Variants in PLEKHG1 observed in about 807,000 individuals in gnomAD.
PLEKHG1 encodes pleckstrin homology domain-containing family G member 1.
In PLEKHG1, 44 loss-of-function variants were observed where a neutral mutation model predicts 100.8. The ratio of observed to expected loss-of-function variants is 0.44; its 90% CI spans 0.34 to 0.56. PLEKHG1 has a LOEUF of 0.56. Among genes scored for constraint, PLEKHG1 ranks in the 20% least tolerant of loss-of-function variants. PLEKHG1 has a pLI of 0.01. For synonymous variants in PLEKHG1, 640 were observed against 662.5 expected (o/e 0.97, Z 0.52); for missense variants, 1,545 against 1,720.9 (o/e 0.90, Z 1.81).
intron 3 of PLEKHG1, among the ~76,000 whole-genome samples, chr6:150,652,286 A>G (rs1054451790): frequency 7.2e-5 from 11 of 152,340 alleles, no homozygotes; most frequent in African/African-American, 2.2e-4. Context: ...CTCTGACCAC[A>G]TTATGAACTA....
At chr6:150,834,369 CACTG>C (rs1428321498) in intron 15 of PLEKHG1, among the ~76,000 whole-genome samples, 23 of 152,240 alleles carry the variant, frequency 1.5e-4, no homozygotes, top group East Asian at 1.9e-4. Flanking sequence ...CAATTGCAAG[CACTG>C]ACTAAGTCTG....
intron 15 of PLEKHG1, among the ~76,000 whole-genome samples, chr6:150,834,934 T>G (rs748433030): frequency 5.9e-5 from 9 of 152,170 alleles, no homozygotes. Flanking sequence ...TTCCGTCAGT[T>G]GACATGATGA....
intron 3 of PLEKHG1, among the ~76,000 whole-genome samples, chr6:150,707,782 T>C (rs1781083568): frequency 6.6e-6 from 1 of 152,128 alleles, no homozygotes; most frequent in African/African-American, 2.4e-5. Context: ...CTAATCAGCC[T>C]CAGCTCCGTC....
intron 1 of PLEKHG1, among the ~76,000 whole-genome samples, chr6:150,731,923 G>A (rs1470837526): frequency 6.6e-6 from 1 of 150,960 alleles, no homozygotes; most frequent in Non-Finnish European, 1.5e-5. Flanking sequence ...GTCCTTTTGG[G>A]GCCCAACATC....
chr6:150,674,632 CCTCTCTCTCTCTCTCTCTCT>C (rs756355880), intron 3 of PLEKHG1, among the ~76,000 whole-genome samples: 4 of 66,340 alleles, frequency 6.0e-5, no homozygotes, highest in African/African-American at 1.4e-4. Flanking sequence ...CTCTCTCCTC[CCTCTCTCTCTCTCTCTCTCT>C]CTCTCTCTCT....
chr6:150,756,174 C>A lies in PLEKHG1; in HGVS notation c.412-12464C>A, dbSNP rs538550880. On this transcript the variant is annotated intron_variant, in intron 2 of 15. Transcript: ENST00000358517. ...CAGAAGGACATCTTCGTGTTTACCC[C>A]CTGGCCCCATGCTCTTTGAGAAAGT... Among the ~76,000 whole-genome samples, 7 of 152,292 alleles carry A rather than the reference C, an allele frequency of 4.6e-5. No homozygotes were observed. In the East Asian group the frequency reaches 1.4e-3, roughly 29 times the overall value.
In PLEKHG1 at chr6:150,600,865, T is replaced by G. The variant is rs1307597815; in HGVS notation, c.-204+848T>G. The stretch of plus-strand genomic sequence containing the variant: ...ATGAGCTGGATCCTTGACTTGAATG[T>G]GCTGGCGGAGCGGGGTTTGTAAGCC... On this transcript the variant is annotated intron_variant, in intron 1 of 3. Transcript: ENST00000367326. The surrounding 1 kb of genome is among the most constrained non-coding windows in gnomAD (Gnocchi z 6.2). 6.6e-6 allele frequency: 1 copy of G among 152,244 alleles called. No individual in the cohort carries two copies. Among genetic ancestry groups the G allele is most frequent in the Non-Finnish European group, 1.5e-5 (1 of 68,046 alleles). The allele number at this position is 152,244 out of a possible 1,614,324, so 9.4% of individuals were successfully genotyped here.
intron 10 of PLEKHG1, among the ~76,000 whole-genome samples, 169 bp downstream of exon 11, chr6:150,809,903 A>AAAC (rs1787388499): frequency 6.6e-6 from 1 of 151,696 alleles, no homozygotes; most frequent in Non-Finnish European, 1.5e-5. Flanking sequence ...AAAAAAAAAA[A>AAAC]AAGAGTTTAG....
chr6:150,616,915 G>T (rs1009986058), intron 1 of PLEKHG1, among the ~76,000 whole-genome samples: 1 of 148,844 alleles, frequency 6.7e-6, no homozygotes, highest in African/African-American at 2.5e-5. Flanking sequence ...AAAATCACTG[G>T]TAAATGTTGA....
upstream of PLEKHG1, among the ~76,000 whole-genome samples, chr6:150,716,292 T>C (rs968302409): frequency 1.3e-5 from 2 of 152,178 alleles, no homozygotes; most frequent in African/African-American, 2.4e-5. Context: ...ACAAGATAAG[T>C]AGGCCACACC....
At chr6:150,769,833 T>C (rs1261469090) in intron 3 of PLEKHG1, among the ~76,000 whole-genome samples, 1 of 152,128 alleles carries the variant, frequency 6.6e-6, no homozygotes, top group Non-Finnish European at 1.5e-5. Flanking sequence ...CCACTTTTCC[T>C]TTTTCTCATG....
intron 1 of PLEKHG1, among the ~76,000 whole-genome samples, chr6:150,728,331 C>T (rs1327983028): frequency 6.6e-6 from 1 of 150,914 alleles, no homozygotes; most frequent in Non-Finnish European, 1.5e-5. Flanking sequence ...CAGTGGCTTA[C>T]ACCTATAATC....
chr6:150,773,059 T>C (rs1321898674), intron 3 of PLEKHG1, among the ~76,000 whole-genome samples: 1 of 152,082 alleles, frequency 6.6e-6, no homozygotes, highest in African/African-American at 2.4e-5. Context: ...GTAGGTTTTG[T>C]GTTGTGTTTT....
At chr6:150,813,750 T>G (rs1279694238) in intron 10 of PLEKHG1, among the ~76,000 whole-genome samples, 1 of 152,024 alleles carries the variant, frequency 6.6e-6, no homozygotes, top group Non-Finnish European at 1.5e-5. Flanking sequence ...CGGTTTTGAG[T>G]GTGATCAGGT....
At chr6:150,614,225 C>T (rs1776966992) in intron 1 of PLEKHG1, among the ~76,000 whole-genome samples, 1 of 152,148 alleles carries the variant, frequency 6.6e-6, no homozygotes, top group Admixed American at 6.5e-5. Flanking sequence ...AGAGCTCTAA[C>T]TTGGCCTAGG....
chr6:150,707,558 C>A lies in PLEKHG1; in HGVS notation c.-98-26026C>A, dbSNP rs1241998860. 2.0e-5 allele frequency among the ~76,000 whole-genome samples: 3 copies of A among 152,244 alleles called. No homozygotes were observed. The East Asian group carries it at 5.8e-4, about 29-fold the overall frequency. On this transcript the variant is annotated intron_variant, in intron 3 of 3. Transcript: ENST00000367326. ...AAGTGCACAGCCAGGGTGACGTGAG[C>A]AAGCTTAGCTCTACCCACTGCTGCT...
chr6:150,768,864 G>T (rs1413216120), intron 3 of PLEKHG1, 126 bp downstream of exon 4: 2 of 640,242 alleles, frequency 3.1e-6, no homozygotes, highest in Non-Finnish European at 5.6e-6. Context: ...GGGCTGTTGT[G>T]CCAAGAAGCT....
intron 3 of PLEKHG1, chr6:150,663,120 T>C (rs1779261091): frequency 6.6e-6 from 1 of 152,236 alleles, no homozygotes; most frequent in Non-Finnish European, 1.5e-5. Flanking sequence ...TCTTGAAAGA[T>C]AGCCAAGAAA....
Position 150,831,501 on chromosome 6 carries a change from C to T in PLEKHG1, c.2390C>T (p.Ala797Val). Reference sequence around the variant, plus strand: ...AGCCTCCAGCTCAGTGAGGACGAAGCCCCTTACCATCAGGCCACTCCCGAT... The same window carrying T: ...AGCCTCCAGCTCAGTGAGGACGAAGTCCCTTACCATCAGGCCACTCCCGAT... Residue 797 changes from alanine to valine, a missense_variant, in exon 15 of 16, where the codon GCC becomes GTC. Physicochemically the swap from Ala to Val is moderately conservative, Grantham distance 64. Coordinates refer to ENST00000358517, the Ensembl canonical transcript of PLEKHG1. The surrounding 1 kb of genome is among the most constrained non-coding windows in gnomAD (Gnocchi z 4.1). 6.2e-7 allele frequency: 1 copy of T among 1,614,074 alleles called. No homozygotes were observed. Among genetic ancestry groups the T allele is most frequent in the Non-Finnish European group, 8.5e-7 (1 of 1,179,968 alleles).
Sources: allele counts gnomAD v4.1 joint callset (sites outside exome capture counted in the v4.1 genomes callset), GRCh38; gene constraint gnomAD v4.1.1; non-coding constraint Gnocchi (gnomAD v3.1); transcripts MANE v1.5; gene names NCBI Gene and HGNC (gene_info 2026-07-23, HGNC 2026-07-21).